Variants in SPIB observed in about 807,000 individuals in gnomAD.
SPIB encodes the protein transcription factor Spi-B.
A neutral mutation model predicts 31.9 loss-of-function variants in SPIB; 7 were observed. That is an observed-to-expected ratio of 0.22 (90% CI 0.12 to 0.41). SPIB has a LOEUF of 0.41. SPIB is among the 10% of genes least tolerant of loss of function. The pLI is 1.00. For missense variants in SPIB, 327 were observed against 360.2 expected (o/e 0.91, Z 0.75); for synonymous variants, 176 against 158.9 (o/e 1.11, Z -0.81).
Position 50,422,834 on chromosome 19 carries a change from G to A in SPIB, c.136G>A (p.Asp46Asn). The change falls in exon 4 of 6, where the codon GAC becomes AAC. Residue 46 changes from aspartate to asparagine, a missense_variant. Physicochemically the swap from Asp to Asn is conservative, Grantham distance 23 (BLOSUM62 1). Transcript: ENST00000595883. ...DSEGAPDSLW[D>N]WTVAPPVPAT... The stretch of plus-strand genomic sequence containing the variant: ...TGCCCTTCCCCCAGACTCCCTGTGG[G>A]ACTGGACTGTGGCCCCACCTGTCCC... 1 of 1,579,468 alleles carries A rather than the reference G, an allele frequency of 6.3e-7. No individual in the cohort carries two copies. Among genetic ancestry groups the A allele is most frequent in the Non-Finnish European group, 8.6e-7 (1 of 1,163,860 alleles).
At position 50,423,001 on chromosome 19, in the gene SPIB, C is replaced by CCT. The variant is rs1432961017; in HGVS notation, c.305_306dup (p.Pro103SerfsTer78). 6.5e-7 allele frequency: 1 copy of CCT among 1,542,592 alleles called. No individual in the cohort carries two copies. Among genetic ancestry groups the CCT allele is most frequent in the Non-Finnish European group, 8.8e-7 (1 of 1,140,820 alleles). Reference sequence around the variant, plus strand: ...CCAGCCTGGAGGCCCCGGGGCCTGGCCTCCCTGCATACCCCACGGAGAACT... The same window carrying CCT: ...CCAGCCTGGAGGCCCCGGGGCCTGGCCTCTCCCTGCATACCCCACGGAGAACT... On this transcript the variant is annotated frameshift_variant, in exon 4 of 6. Coordinates refer to ENST00000595883, the MANE Select transcript of SPIB (RefSeq NM_003121.5). LOFTEE classifies it high-confidence loss of function.
chr19:50,425,656 A>T (rs2122553225), intron 5 of SPIB, among the ~76,000 whole-genome samples: 1 of 152,112 alleles, frequency 6.6e-6, no homozygotes, highest in African/African-American at 2.4e-5. Flanking sequence ...GCCCAGGCTG[A>T]ACTCCCAACT....
chr19:50,428,343 C>T lies in SPIB; in HGVS notation c.*7C>T. 6.5e-7 allele frequency: 1 copy of T among 1,532,598 alleles called. No individual in the cohort carries two copies. Among genetic ancestry groups the T allele is most frequent in the Non-Finnish European group, 8.8e-7 (1 of 1,136,848 alleles). The allele number at this position is 1,532,598 out of a possible 1,614,324, so 94.9% of individuals were successfully genotyped here. A position where few individuals can be genotyped will look rare whatever the true frequency, so the allele number is the denominator to read the frequency against. ...TGCAGTCCGCCGGGCCTGAGCACAC[C>T]CGAGGCTCCCACCTGCGGAGCCGCT... On this transcript the variant is annotated 3_prime_UTR_variant, in exon 6 of 6. Transcript: ENST00000595883. The surrounding 1 kb of genome is among the most constrained non-coding windows in gnomAD (Gnocchi z 6.5).
rs752985548 is a variant in SPIB, at chr19:50,423,020, G to A, written c.322G>A (p.Glu108Lys). Residue 108 changes from glutamate to lysine, a missense_variant, in exon 4 of 6, where the codon GAG (glutamate) becomes AAG (lysine). Glu to Lys is a moderately conservative substitution (Grantham distance 56, BLOSUM62 1). This residue lies in a region of SPIB where 238 missense variants were observed against 228.8 expected (regional missense o/e 1.04). Coordinates refer to ENST00000595883, the MANE Select transcript of SPIB (RefSeq NM_003121.5). ...GCCTGGCCTCCCTGCATACCCCACG[G>A]AGAACTTCGCTAGCCAGGTGAGTGG... ...PGPGLPAYPT[E>K]NFASQTLVPP... 2 of 1,485,132 alleles carry A rather than the reference G, an allele frequency of 1.3e-6. No homozygotes were observed. The highest frequency in any genetic ancestry group is 4.6e-5 in the East Asian group (2 of 43,192). The allele number at this position is 1,485,132 out of a possible 1,614,324, so 92.0% of individuals were successfully genotyped here. A position where few individuals can be genotyped will look rare whatever the true frequency, so the allele number is the denominator to read the frequency against.
chr19:50,427,866 C>T (rs1055433345), intron 5 of SPIB, among the ~76,000 whole-genome samples, 172 bp from the exon 6 acceptor site: 1 of 106,040 alleles, frequency 9.4e-6, no homozygotes, highest in Non-Finnish European at 2.3e-5. Flanking sequence ...TTGCCCCCCC[C>T]CCCCCCCGTG....
intron 5 of SPIB, among the ~76,000 whole-genome samples, chr19:50,424,566 A>C (rs1229566103): frequency 6.6e-6 from 1 of 152,112 alleles, no homozygotes; most frequent in Non-Finnish European, 1.5e-5. Flanking sequence ...ATGGATCACG[A>C]GGTCAAGAGA....
rs539591335 is a variant in SPIB at position 50,421,389 on chromosome 19, C to A, written c.52-1084C>A. On this transcript the variant is annotated intron_variant, in intron 2 of 5. Transcript: ENST00000595883. ...CCGGGCTGGAGTACAGTGGTGCGAT[C>A]TCGGCTCACTGCAACCTCAGCCTCC... Among the ~76,000 whole-genome samples, 120 of 152,164 alleles carry A rather than the reference C, an allele frequency of 7.9e-4. 1 individual carries two copies. The highest frequency in any genetic ancestry group is 1.2e-3 in the Admixed American group (18 of 15,266).
At position 50,419,950 on chromosome 19, in the gene SPIB, G is replaced by C. The variant is rs199589115; in HGVS notation, c.28G>C (p.Asp10His). 2 of 1,525,230 alleles carry C rather than the reference G, an allele frequency of 1.3e-6. No individual in the cohort carries two copies. The highest frequency in any genetic ancestry group is 2.7e-5 in the East Asian group (1 of 37,264). 94.5% of individuals were successfully genotyped at this position (1,525,230 alleles called of 1,614,324 possible). A position where few individuals can be genotyped will look rare whatever the true frequency, so the allele number is the denominator to read the frequency against. The change falls in exon 2 of 6, where the codon GAC (aspartate) becomes CAC (histidine). Residue 10 changes from aspartate (D) to histidine (H), a missense_variant. By Grantham distance (81) the Asp-to-His change is moderately conservative. Around this residue, in one of 4 missense-constraint regions of SPIB, gnomAD observed 238 missense variants for 228.8 expected, o/e 1.04. Transcript: ENST00000595883. Reference sequence around the variant, plus strand: ...CCTGTGTCTCTCCCCCTCCAGGCTCGACGGGCCACACTTCAGCTGTCTGGT... The same window carrying C: ...CCTGTGTCTCTCCCCCTCCAGGCTCCACGGGCCACACTTCAGCTGTCTGGT... Reference protein sequence around the residue: MLALEAAQLDGPHFSCLYPD... With the variant: MLALEAAQLHGPHFSCLYPD...
At chr19:50,427,930 T>C (rs2039588825) in intron 5 of SPIB, 108 bp from the exon 6 acceptor site, 1 of 1,281,170 alleles carries the variant, frequency 7.8e-7, no homozygotes, top group South Asian at 1.6e-5. Flanking sequence ...ACCCCACTTT[T>C]CAGATCCAGG....
At chr19:50,419,256 TCTCA>T (rs770546659) in intron 1 of SPIB, among the ~76,000 whole-genome samples, 1 of 152,168 alleles carries the variant, frequency 6.6e-6, no homozygotes, top group Non-Finnish European at 1.5e-5. Context: ...CCTCCGTGGC[TCTCA>T]CTCTGTCCAT....
At position 50,428,603 on chromosome 19, in the gene SPIB, A is replaced by C. The variant is rs955845351; in HGVS notation, c.*267A>C. The C allele has an allele frequency of 4.5e-6, 2 of 442,454 alleles. No individual in the cohort carries two copies. The highest frequency in any genetic ancestry group is 4.1e-5 in the African/African-American group (2 of 49,282). 27.4% of individuals were successfully genotyped at this position (442,454 alleles called of 1,614,324 possible). On this transcript the variant is annotated 3_prime_UTR_variant, in exon 6 of 6. Transcript: ENST00000595883. This position sits in a 1 kb window ranked among gnomAD's most constrained non-coding sequence, Gnocchi z 6.5. ...CCTCATGTTTTGGGTGACAGGACCTATGGACCACTATACTCGGGGAGGCAG... is the reference window on the plus strand; with the variant it reads ...CCTCATGTTTTGGGTGACAGGACCTCTGGACCACTATACTCGGGGAGGCAG...
chr19:50,419,584 CCTT>C (rs1421081445), intron 1 of SPIB, among the ~76,000 whole-genome samples: 5 of 152,182 alleles, frequency 3.3e-5, no homozygotes, highest in African/African-American at 1.2e-4. Flanking sequence ...ATCTCTCCAT[CCTT>C]CTCCTCTGGT....
chr19:50,422,609 G>A (rs768746173), intron 3 of SPIB, 64 bp downstream of exon 3: 13 of 1,559,820 alleles, frequency 8.3e-6, no homozygotes, highest in Admixed American at 1.7e-5. Context: ...GGGGAGCTGA[G>A]GCCCAGGGGA....
Position 50,422,502 on chromosome 19 carries a change from C to T in SPIB, c.81C>T (p.Asp27=), listed in dbSNP as rs2039508833. 1 of 1,614,032 alleles carries T rather than the reference C, an allele frequency of 6.2e-7. No homozygotes were observed. The highest frequency in any genetic ancestry group is 8.5e-7 in the Non-Finnish European group (1 of 1,179,948). The change falls in exon 3 of 6, where the codon GAC becomes GAT. Residue 27 remains aspartate, a synonymous_variant. Transcript: ENST00000595883. ...CAGATGGCGTCTTCTATGACCTGGA[C>T]AGCTGCAAGCATTCCAGCTACCCTG... is the stretch of plus-strand genomic sequence containing the variant. The part of the protein sequence containing the change: ...LYPDGVFYDL[D]SCKHSSYPDS...
chr19:50,423,635 C>G lies in SPIB; in HGVS notation c.370C>G (p.Pro124Ala), dbSNP rs2039528224. Residue 124 changes from proline (P) to alanine (A), a missense_variant, in exon 5 of 6, where the codon CCC becomes GCC. Transcript: ENST00000595883. ...GGTTCCCCCGGCATATGCCCCGTAC[C>G]CCAGCCCTGTGCTATCAGAGGAGGA... ...TLVPPAYAPY[P>A]SPVLSEEEDL... The G allele has an allele frequency of 6.2e-7, 1 of 1,614,062 alleles. No homozygotes were observed. The highest frequency in any genetic ancestry group is 8.5e-7 in the Non-Finnish European group (1 of 1,180,004).
Position 50,430,870 on chromosome 19 carries a change from C to T in SPIB, c.*2534C>T, listed in dbSNP as rs2039633204. 1 of 152,282 alleles carries T rather than the reference C, an allele frequency of 6.6e-6. No homozygotes were observed. Among genetic ancestry groups the T allele is most frequent in the South Asian group, 2.1e-4 (1 of 4,830 alleles). 9.4% of individuals were successfully genotyped at this position (152,282 alleles called of 1,614,324 possible). On this transcript the variant is annotated 3_prime_UTR_variant, in exon 6 of 6. Transcript: ENST00000595883. ...CACGAGAAGTCCATGTGGAGGCACACAGCAGCTGATGGCAGAGCCCAGGCT... is the reference window on the plus strand; with the variant it reads ...CACGAGAAGTCCATGTGGAGGCACATAGCAGCTGATGGCAGAGCCCAGGCT...
At position 50,422,923 on chromosome 19, in the gene SPIB, G is replaced by C. The variant is rs757637136; in HGVS notation, c.225G>C (p.Gln75His). The change falls in exon 4 of 6, where the codon CAG becomes CAC. Residue 75 changes from glutamine (Q) to histidine (H), a missense_variant. Physicochemically the swap from Gln to His is conservative, Grantham distance 24 (BLOSUM62 0). Transcript: ENST00000595883. Reference sequence around the variant, plus strand: ...CTTTTAGCCACCCCCAGGCTGCCCAGCTCTGCTACGAACCCCCCACCTACA... The same window carrying C: ...CTTTTAGCCACCCCCAGGCTGCCCACCTCTGCTACGAACCCCCCACCTACA... ...AAAFSHPQAA[Q>H]LCYEPPTYSP... The C allele has an allele frequency of 1.9e-6, 3 of 1,602,898 alleles. No homozygotes were observed. In the African/African-American group the frequency reaches 4.0e-5, roughly 21 times the overall value.
In SPIB at chr19:50,428,151, T is replaced by A; in HGVS notation, c.604T>A (p.Ser202Thr). 1 of 1,588,506 alleles carries A rather than the reference T, an allele frequency of 6.3e-7. No homozygotes were observed. The highest frequency in any genetic ancestry group is 1.1e-5 in the South Asian group (1 of 87,338). The change falls in exon 6 of 6, where the codon TCC (serine) becomes ACC (threonine). Residue 202 changes from serine (S) to threonine (T), a missense_variant. Coordinates refer to ENST00000595883, the MANE Select transcript of SPIB (RefSeq NM_003121.5). This position sits in a 1 kb window ranked among gnomAD's most constrained non-coding sequence, Gnocchi z 6.5. ...AGGCGCCGGCGTCTTCCAGTTCTCC[T>A]CCAAGCACAAGGAACTCCTGGCGCG... ...EPGAGVFQFSSKHKELLARRW... is the reference protein window; with the variant it reads ...EPGAGVFQFSTKHKELLARRW...
intron 1 of SPIB, among the ~76,000 whole-genome samples, chr19:50,419,550 G>A (rs977447112): frequency 3.9e-5 from 6 of 151,956 alleles, no homozygotes; most frequent in Non-Finnish European, 8.8e-5. Flanking sequence ...AGTCTTCTCC[G>A]GGCTTCCCCC....
Sources: gnomAD v4.1 joint callset for allele counts (sites outside exome capture counted in the v4.1 genomes callset) on GRCh38, gnomAD v4.1.1 for gene constraint, gnomAD v4.1.1 regional missense constraint, Gnocchi (gnomAD v3.1) non-coding constraint, MANE v1.5 for transcripts, NCBI Gene and HGNC (gene_info 2026-07-23, HGNC 2026-07-21) for gene names.